SLC24A2: variants seen among roughly 807,000 people sequenced by gnomAD.
SLC24A2 encodes the protein sodium/potassium/calcium exchanger 2.
SLC24A2 carries 36 observed loss-of-function variants against 62.0 expected under a neutral mutation model. The ratio of observed to expected loss-of-function variants is 0.58; its 90% CI spans 0.44 to 0.77. SLC24A2 has a LOEUF of 0.77. Among genes scored for constraint, SLC24A2 ranks in the 30% least tolerant of loss-of-function variants. SLC24A2 has a pLI of 0.00. For synonymous variants in SLC24A2, 358 were observed against 294.0 expected (o/e 1.22, Z -2.23); for missense variants, 846 against 817.9 (o/e 1.03, Z -0.42).
the SLC24A2 span, among the ~76,000 whole-genome samples, chr9:19,850,961 A>G: frequency 4.4e-5 from 1 of 22,894 alleles, no homozygotes; most frequent in Non-Finnish European, 1.2e-4. Flanking sequence ...ATATATATAT[A>G]TATATGTATA....
At chr9:19,613,449 G>A (rs1817682269) in intron 4 of SLC24A2, among the ~76,000 whole-genome samples, 1 of 152,172 alleles carries the variant, frequency 6.6e-6, no homozygotes, top group Non-Finnish European at 1.5e-5. Context: ...AGGAGGACAT[G>A]AAGGTGGAGA....
intron 2 of SLC24A2, among the ~76,000 whole-genome samples, chr9:19,717,156 T>G (rs1209057267): frequency 6.6e-6 from 1 of 152,216 alleles, no homozygotes; most frequent in East Asian, 1.9e-4. Context: ...GAGGCAGAAT[T>G]AGAAGGTAAC....
chr9:20,055,953 G>A, the SLC24A2 span, among the ~76,000 whole-genome samples: 6,313 of 152,042 alleles, frequency 0.042, 424 homozygotes, highest in African/African-American at 0.14. Context: ...TGTTCTTACC[G>A]CTCCACTATA....
At chr9:20,079,220 T>C in the SLC24A2 span, among the ~76,000 whole-genome samples, 1 of 152,126 alleles carries the variant, frequency 6.6e-6, no homozygotes, top group African/African-American at 2.4e-5. Flanking sequence ...CTGCTAATAC[T>C]TTGGTTTTGG....
chr9:19,512,641 G>A lies in SLC24A2; in HGVS notation c.*3512C>T, dbSNP rs1304081219. ...TCAGTTTGAGCCAAGCTGCTCTGCT[G>A]CCTTGGAAGTATGGGGGAGGGTAGG... is the stretch of plus-strand genomic sequence containing the variant. On this transcript the variant is annotated 3_prime_UTR_variant, in exon 11 of 11. Transcript: ENST00000341998. 6.6e-6 allele frequency: 1 copy of A among 152,218 alleles called. No homozygotes were observed. Among genetic ancestry groups the A allele is most frequent in the Non-Finnish European group, 1.5e-5 (1 of 68,046 alleles). The allele number at this position is 152,218 out of a possible 1,614,324, so 9.4% of individuals were successfully genotyped here. A position where few individuals can be genotyped will look rare whatever the true frequency, so the allele number is the denominator to read the frequency against.
the SLC24A2 span, among the ~76,000 whole-genome samples, chr9:20,007,090 G>A: frequency 6.6e-6 from 1 of 152,076 alleles, no homozygotes; most frequent in Non-Finnish European, 1.5e-5. Context: ...ATCATGCTAA[G>A]GACTGGTAAA....
chr9:20,261,930 G>T, the SLC24A2 span, among the ~76,000 whole-genome samples: 4 of 151,964 alleles, frequency 2.6e-5, no homozygotes, highest in South Asian at 8.4e-4. Flanking sequence ...AGTAGAGACA[G>T]CATTTCACCA....
At chr9:19,923,872 C>G in the SLC24A2 span, among the ~76,000 whole-genome samples, 1 of 152,276 alleles carries the variant, frequency 6.6e-6, no homozygotes, top group African/African-American at 2.4e-5. Context: ...CTCAGCCTCC[C>G]GAGTAGCTGG....
chr9:20,168,794 G>C, the SLC24A2 span, among the ~76,000 whole-genome samples: 220 of 152,094 alleles, frequency 1.4e-3, 1 homozygote, highest in African/African-American at 5.0e-3. Context: ...AGAACAATTT[G>C]GCAATTCCTC....
chr9:19,976,306 T>C, the SLC24A2 span, among the ~76,000 whole-genome samples: 3 of 152,346 alleles, frequency 2.0e-5, no homozygotes, highest in East Asian at 3.9e-4. Flanking sequence ...CCCCATGTGT[T>C]GGAGGAGGGG....
chr9:19,558,378 C>T (rs1390878487), intron 7 of SLC24A2, among the ~76,000 whole-genome samples: 2 of 152,150 alleles, frequency 1.3e-5, no homozygotes, highest in Non-Finnish European at 2.9e-5. Context: ...AAAGACTTGT[C>T]TTTTAGCATC....
chr9:20,040,936 A>G, the SLC24A2 span, among the ~76,000 whole-genome samples: 1 of 152,234 alleles, frequency 6.6e-6, no homozygotes, highest in Non-Finnish European at 1.5e-5. Flanking sequence ...AACCTATATG[A>G]AGGGGAGACA....
chr9:20,021,330 G>A, the SLC24A2 span, among the ~76,000 whole-genome samples: 1 of 151,680 alleles, frequency 6.6e-6, no homozygotes. Context: ...AGGTTTTTAT[G>A]AAGAATTGTG....
chr9:20,101,430 T>C, the SLC24A2 span, among the ~76,000 whole-genome samples: 3 of 152,260 alleles, frequency 2.0e-5, no homozygotes, highest in African/African-American at 7.2e-5. Flanking sequence ...GGAAACTGTT[T>C]GCCTTGGGGC....
rs948282022 is a variant in SLC24A2, at chr9:19,507,584, C to A, written c.*8569G>T. On this transcript the variant is annotated 3_prime_UTR_variant, in exon 11 of 11. Transcript: ENST00000341998. ...GTATGGACAGTGAAACAAGAAGAAA[C>A]ACCCTTTATCAGAATGAAGTCCATG... 2 of 152,148 alleles carry A rather than the reference C, an allele frequency of 1.3e-5. No individual in the cohort carries two copies. Among genetic ancestry groups the A allele is most frequent in the African/African-American group, 4.8e-5 (2 of 41,448 alleles). 9.4% of individuals were successfully genotyped at this position (152,148 alleles called of 1,614,324 possible). A position where few individuals can be genotyped will look rare whatever the true frequency, so the allele number is the denominator to read the frequency against.
chr9:19,602,821 G>A (rs1156341494), intron 4 of SLC24A2, among the ~76,000 whole-genome samples: 1 of 152,176 alleles, frequency 6.6e-6, no homozygotes, highest in Non-Finnish European at 1.5e-5. Flanking sequence ...TTATAGGATT[G>A]ATGTGGAAAA....
the SLC24A2 span, among the ~76,000 whole-genome samples, chr9:19,965,773 G>A: frequency 1.3e-5 from 2 of 152,160 alleles, no homozygotes; most frequent in African/African-American, 4.8e-5. Context: ...CTGTCACATT[G>A]TGACCTGGGA....
chr9:19,762,370 T>C (rs1229319604), intron 2 of SLC24A2, among the ~76,000 whole-genome samples: 2 of 152,226 alleles, frequency 1.3e-5, no homozygotes, highest in African/African-American at 4.8e-5. Context: ...GTTTTAGTCA[T>C]GAAGTCTTTG....
chr9:19,798,996 G>C, the SLC24A2 span, among the ~76,000 whole-genome samples: 3 of 144,712 alleles, frequency 2.1e-5, no homozygotes, highest in South Asian at 2.1e-4. Context: ...TCATCTTCTT[G>C]TTGTATTTCA....
Sources: gnomAD v4.1 joint callset for allele counts (sites outside exome capture counted in the v4.1 genomes callset) on GRCh38, gnomAD v4.1.1 for gene constraint, MANE v1.5 for transcripts, NCBI Gene and HGNC (gene_info 2026-07-23, HGNC 2026-07-21) for gene names.